ARHGAP18: variants seen among roughly 807,000 people sequenced by gnomAD.
ARHGAP18 encodes the protein rho GTPase-activating protein 18.
In ARHGAP18, 67 loss-of-function variants were observed where a neutral mutation model predicts 86.2. The observed-to-expected ratio is 0.78, with a 90% CI of 0.64 to 0.95. The LOEUF is 0.95. ARHGAP18 is among the 40% of genes least tolerant of loss of function. The pLI, the probability that ARHGAP18 is intolerant of heterozygous loss-of-function variation, is 0.00. For missense variants in ARHGAP18, 691 were observed against 780.4 expected (o/e 0.89, Z 1.37); for synonymous variants, 283 against 280.4 (o/e 1.01, Z -0.09).
intron 1 of ARHGAP18, among the ~76,000 whole-genome samples, chr6:129,691,391 C>A (rs924812608): frequency 1.3e-5 from 2 of 152,192 alleles, no homozygotes; most frequent in Admixed American, 1.3e-4. Flanking sequence ...ATGGAAAGAT[C>A]TATCTTAATC....
intron 6 of ARHGAP18, among the ~76,000 whole-genome samples, chr6:129,617,310 G>A (rs115820687): frequency 1.3e-5 from 2 of 152,126 alleles, no homozygotes; most frequent in African/African-American, 2.4e-5. Context: ...CCTTTATGAC[G>A]TACATCAGCA....
chr6:129,588,343 T>C (rs1324832663), intron 12 of ARHGAP18, among the ~76,000 whole-genome samples: 1 of 152,222 alleles, frequency 6.6e-6, no homozygotes, highest in Non-Finnish European at 1.5e-5. Flanking sequence ...CTTGAACCCC[T>C]GACCTCAAGT....
chr6:129,601,509 A>G (rs1312113986), intron 10 of ARHGAP18, among the ~76,000 whole-genome samples: 1 of 151,938 alleles, frequency 6.6e-6, no homozygotes, highest in Non-Finnish European at 1.5e-5. Flanking sequence ...AAGAGAAAAG[A>G]GAAAAGAGAG....
chr6:129,649,531 C>A (rs941650969), intron 1 of ARHGAP18, among the ~76,000 whole-genome samples: 2 of 115,406 alleles, frequency 1.7e-5, no homozygotes, highest in Admixed American at 1.3e-4. Flanking sequence ...TCCAGCCTGG[C>A]AACAGAGCAA....
chr6:129,599,197 A>G lies in ARHGAP18; in HGVS notation c.1713+19T>C. 1 of 1,507,602 alleles carries G rather than the reference A, an allele frequency of 6.6e-7. No homozygotes were observed. Among genetic ancestry groups the G allele is most frequent in the Non-Finnish European group, 8.8e-7 (1 of 1,132,816 alleles). The allele number at this position is 1,507,602 out of a possible 1,614,324, so 93.4% of individuals were successfully genotyped here. On this transcript the variant is annotated intron_variant, in intron 12 of 14. Coordinates refer to ENST00000368149, the MANE Select transcript of ARHGAP18 (RefSeq NM_033515.3). ...ATACTTAAGATCTGAATAAATACAT[A>G]TCTCCACTATTTTCTTACATCATTT...
intron 1 of ARHGAP18, among the ~76,000 whole-genome samples, chr6:129,695,525 G>A (rs560161176): frequency 1.2e-4 from 18 of 152,284 alleles, no homozygotes; most frequent in African/African-American, 4.1e-4. Flanking sequence ...TTGCCTTCAA[G>A]CCTCAGGCTT....
In ARHGAP18 at chr6:129,576,153, A is replaced by G. The variant is rs538914184; in HGVS notation, c.*2360T>C. ...AATGTTTTAAACTCAAGGCAAATAT[A>G]TTTATTTTTATTTTGTCTCATACAC... On this transcript the variant is annotated 3_prime_UTR_variant, in exon 15 of 15. Coordinates refer to ENST00000368149, the MANE Select transcript of ARHGAP18 (RefSeq NM_033515.3). The G allele has an allele frequency of 1.3e-5, 2 of 152,196 alleles. No individual in the cohort carries two copies. The highest frequency in any genetic ancestry group is 2.9e-5 in the Non-Finnish European group (2 of 68,034). The allele number at this position is 152,196 out of a possible 1,614,324, so 9.4% of individuals were successfully genotyped here.
chr6:129,678,082 A>G (rs1444534746), intron 1 of ARHGAP18, among the ~76,000 whole-genome samples: 1 of 152,228 alleles, frequency 6.6e-6, no homozygotes, highest in African/African-American at 2.4e-5. Flanking sequence ...TTGTTGTCAG[A>G]TAACAGAGAG....
At chr6:129,670,845 C>T (rs557748317) in intron 1 of ARHGAP18, among the ~76,000 whole-genome samples, 1 of 152,184 alleles carries the variant, frequency 6.6e-6, no homozygotes, top group East Asian at 1.9e-4. Flanking sequence ...CAGGTTCCTC[C>T]CCTCCACACA....
chr6:129,666,347 C>T (rs13204501), intron 1 of ARHGAP18, among the ~76,000 whole-genome samples: 29,676 of 152,218 alleles, frequency 0.19, 3,254 homozygotes, highest in Non-Finnish European at 0.24. Context: ...TCTAGCCACA[C>T]CACTAATGCA....
At chr6:129,630,079 G>C (rs1287683884) in intron 4 of ARHGAP18, among the ~76,000 whole-genome samples, 3 of 152,136 alleles carry the variant, frequency 2.0e-5, no homozygotes, top group African/African-American at 7.2e-5. Flanking sequence ...CACTATGCGA[G>C]TCAGGTCAGG....
intron 2 of ARHGAP18, 88 bp downstream of exon 2, chr6:129,641,728 A>T (rs1219733097): frequency 1.7e-5 from 20 of 1,154,914 alleles, no homozygotes; most frequent in South Asian, 3.3e-5. Context: ...CCTAGCTTTA[A>T]TTTTTTTTTT....
At chr6:129,636,528 T>C (rs1031564705) in intron 3 of ARHGAP18, among the ~76,000 whole-genome samples, 1 of 152,222 alleles carries the variant, frequency 6.6e-6, no homozygotes, top group Non-Finnish European at 1.5e-5. Context: ...GTTAAAAGCA[T>C]GTACTTCAAA....
At chr6:129,662,794 G>A (rs946789780) in intron 1 of ARHGAP18, among the ~76,000 whole-genome samples, 5 of 152,140 alleles carry the variant, frequency 3.3e-5, no homozygotes, top group African/African-American at 1.2e-4. Flanking sequence ...GTGTAAGTGA[G>A]GAACAGTACT....
At chr6:129,625,399 A>C (rs1789375528) in intron 5 of ARHGAP18, among the ~76,000 whole-genome samples, 1 of 61,728 alleles carries the variant, frequency 1.6e-5, no homozygotes, top group Non-Finnish European at 2.5e-5. Context: ...ATTTATACAT[A>C]TGTATTATAT....
At chr6:129,639,070 A>C (rs905042784) in intron 2 of ARHGAP18, among the ~76,000 whole-genome samples, 4 of 152,204 alleles carry the variant, frequency 2.6e-5, no homozygotes, top group African/African-American at 9.6e-5. Context: ...TTCTCTGTTC[A>C]CTGTAGCTGA....
At chr6:129,604,430 A>G (rs1788811719) in intron 10 of ARHGAP18, among the ~76,000 whole-genome samples, 1 of 152,164 alleles carries the variant, frequency 6.6e-6, no homozygotes, top group African/African-American at 2.4e-5. Flanking sequence ...ATGTAGGGGT[A>G]TCTTAAGTAA....
At chr6:129,584,681 C>T (rs1386559719) in intron 12 of ARHGAP18, among the ~76,000 whole-genome samples, 2 of 152,142 alleles carry the variant, frequency 1.3e-5, no homozygotes, top group Non-Finnish European at 2.9e-5. Flanking sequence ...ATGTGAAAAA[C>T]ATTTTATGGA....
Position 129,625,627 on chromosome 6 carries a change from ATATATATTTATAT to A in ARHGAP18, c.786+3713_786+3725del, listed in dbSNP as rs1384884495. 2.7e-3 allele frequency among the ~76,000 whole-genome samples: 157 copies of A among 57,334 alleles called. 21 individuals are homozygous for A. The highest frequency in any genetic ancestry group is 4.9e-3 in the Admixed American group (14 of 2,884). 37.6% of individuals were successfully genotyped at this position (57,334 alleles called of 152,430 possible). ...ATATATTATTATATATTTATATATT[ATATATATTTATAT>A]TATATATTTATATATTATATATATT... is the stretch of plus-strand genomic sequence containing the variant. On this transcript the variant is annotated intron_variant, in intron 5 of 14. Transcript: ENST00000368149.
Sources: allele counts gnomAD v4.1 joint callset (sites outside exome capture counted in the v4.1 genomes callset), GRCh38; gene constraint gnomAD v4.1.1; transcripts MANE v1.5; gene names NCBI Gene and HGNC (gene_info 2026-07-23, HGNC 2026-07-21).